IL6R: variants seen among roughly 807,000 people sequenced by gnomAD.
IL6R encodes interleukin-6 receptor subunit alpha.
In IL6R, 38 loss-of-function variants were observed where a neutral mutation model predicts 48.3. That is an observed-to-expected ratio of 0.79 (90% CI 0.61 to 1.03). IL6R has a LOEUF of 1.03. Among genes scored for constraint, IL6R ranks in the 50% least tolerant of loss-of-function variants. The probability of loss-of-function intolerance (pLI) is 0.00; values close to 1 mark genes in which losing one functional copy is unlikely to be tolerated. For missense variants in IL6R, 534 were observed against 618.3 expected (o/e 0.86, Z 1.45); for synonymous variants, 264 against 256.2 (o/e 1.03, Z -0.29).
intron 6 of IL6R, among the ~76,000 whole-genome samples, chr1:154,440,093 A>C (rs1689850203): frequency 6.6e-6 from 1 of 152,090 alleles, no homozygotes; most frequent in African/African-American, 2.4e-5. Context: ...TGTAGAGACA[A>C]GGTTTCACCA....
chr1:154,444,049 C>T (rs1433405646), intron 6 of IL6R, among the ~76,000 whole-genome samples: 1 of 152,142 alleles, frequency 6.6e-6, no homozygotes, highest in Non-Finnish European at 1.5e-5. Flanking sequence ...TTCTGTTGCA[C>T]TCCACTCTTC....
intron 3 of IL6R, among the ~76,000 whole-genome samples, chr1:154,431,798 C>T (rs1394591568): frequency 6.6e-6 from 1 of 152,120 alleles, no homozygotes; most frequent in Non-Finnish European, 1.5e-5. Context: ...GATGTCAGGA[C>T]GAGTGATGGG....
chr1:154,449,409 A>G (rs1690459407), intron 7 of IL6R, among the ~76,000 whole-genome samples: 1 of 152,156 alleles, frequency 6.6e-6, no homozygotes, highest in Non-Finnish European at 1.5e-5. Flanking sequence ...GCTATTTGAT[A>G]GGCTGAGGCA....
In IL6R at chr1:154,448,074, G is replaced by A. The variant is rs749157532; in HGVS notation, c.950-51G>A. ...TTCTGATGCTGAAGCCCCTGAGACAGGACTCCAGGGCCCATGAATCACTAA... is the reference window on the plus strand; with the variant it reads ...TTCTGATGCTGAAGCCCCTGAGACAAGACTCCAGGGCCCATGAATCACTAA... On this transcript the variant is annotated intron_variant, in intron 6 of 9. Transcript: ENST00000368485. 6.9e-6 allele frequency: 10 copies of A among 1,447,156 alleles called. 1 individual carries two copies. In the Admixed American group the frequency reaches 1.5e-4, roughly 22 times the overall value. The allele number at this position is 1,447,156 out of a possible 1,614,324, so 89.6% of individuals were successfully genotyped here.
chr1:154,407,390 T>A lies in IL6R; in HGVS notation c.85+1676T>A, dbSNP rs140866480. 4.0e-3 allele frequency among the ~76,000 whole-genome samples: 604 copies of A among 152,244 alleles called. 17 individuals are homozygous for A. The highest frequency in any genetic ancestry group is 0.034 in the Admixed American group (520 of 15,282). On this transcript the variant is annotated intron_variant, in intron 1 of 9. Coordinates refer to ENST00000368485, the MANE Select transcript of IL6R (RefSeq NM_000565.4). Reference sequence around the variant, plus strand: ...GCAGCCAGTTACAGTCAGTTTTCCATTTCCCTGGTGCTCAGGAAGGATTAG... The same window carrying A: ...GCAGCCAGTTACAGTCAGTTTTCCAATTCCCTGGTGCTCAGGAAGGATTAG...
At chr1:154,459,207 AC>A (rs1221967876) in intron 9 of IL6R, among the ~76,000 whole-genome samples, 1 of 152,184 alleles carries the variant, frequency 6.6e-6, no homozygotes, top group Non-Finnish European at 1.5e-5. Context: ...TAGGTTGGGA[AC>A]AGACCTGGTT....
At chr1:154,434,433 C>A (rs1432243848) in intron 3 of IL6R, 86 bp from the exon 4 acceptor site, 3 of 1,215,722 alleles carry the variant, frequency 2.5e-6, no homozygotes, top group African/African-American at 1.5e-5. Flanking sequence ...GGATTCAAAC[C>A]CCGGGATTCC....
At chr1:154,448,012 G>A (rs1690371991) in intron 6 of IL6R, 113 bp from the exon 7 acceptor site, 2 of 854,586 alleles carry the variant, frequency 2.3e-6, no homozygotes, top group Non-Finnish European at 3.9e-6. Flanking sequence ...CCCAGCCCAT[G>A]CTGTTCTTTT....
At chr1:154,408,615 C>T (rs1172254552) in intron 1 of IL6R, among the ~76,000 whole-genome samples, 1 of 152,076 alleles carries the variant, frequency 6.6e-6, no homozygotes, top group Admixed American at 6.6e-5. Flanking sequence ...TCATCTCCAG[C>T]CCTCAGCAGC....
At chr1:154,442,344 G>A (rs1689982663) in intron 6 of IL6R, among the ~76,000 whole-genome samples, 1 of 152,144 alleles carries the variant, frequency 6.6e-6, no homozygotes, top group South Asian at 2.1e-4. Context: ...TGTGTAGGAG[G>A]GTCCCAGACA....
intron 7 of IL6R, among the ~76,000 whole-genome samples, chr1:154,448,602 C>G (rs1226785421): frequency 2.6e-5 from 4 of 152,180 alleles, no homozygotes; most frequent in Non-Finnish European, 5.9e-5. Flanking sequence ...CTCCTGTGGC[C>G]CTTAATTCCC....
chr1:154,435,257 C>A, intron 5 of IL6R, 101 bp downstream of exon 5: 1 of 1,177,118 alleles, frequency 8.5e-7, no homozygotes, highest in Non-Finnish European at 1.2e-6. Flanking sequence ...CGCCTGTAAT[C>A]CCGGCCCTTT....
At chr1:154,417,525 C>CT (rs907722302) in intron 1 of IL6R, among the ~76,000 whole-genome samples, 12 of 152,126 alleles carry the variant, frequency 7.9e-5, no homozygotes, top group African/African-American at 2.9e-4. Context: ...CTTTATTTCT[C>CT]TATCTGCTCC....
At chr1:154,440,655 CTTTT>C (rs35390021) in intron 6 of IL6R, among the ~76,000 whole-genome samples, 2 of 134,966 alleles carry the variant, frequency 1.5e-5, no homozygotes, top group Non-Finnish European at 1.6e-5. Flanking sequence ...TGATTAATGT[CTTTT>C]TTTTTTTTTT....
At chr1:154,430,710 T>A in intron 3 of IL6R, 104 bp downstream of exon 3, 1 of 1,449,214 alleles carries the variant, frequency 6.9e-7, no homozygotes, top group Non-Finnish European at 9.5e-7. Context: ...CATTAGGAAT[T>A]AATTCCTTCA....
chr1:154,452,501 C>G (rs566391291), intron 8 of IL6R, among the ~76,000 whole-genome samples: 7 of 152,168 alleles, frequency 4.6e-5, no homozygotes, highest in Admixed American at 6.6e-5. Flanking sequence ...CTCAGATGCA[C>G]CCTTCTCCGG....
At chr1:154,453,971 T>A (rs564031670) in intron 8 of IL6R, 13 of 161,702 alleles carry the variant, frequency 8.0e-5, no homozygotes, top group Admixed American at 3.5e-4. Context: ...GGGGCTTGAG[T>A]ACCAAATGCA....
intron 9 of IL6R, among the ~76,000 whole-genome samples, chr1:154,458,425 C>T (rs2149273234): frequency 6.6e-6 from 1 of 152,296 alleles, no homozygotes; most frequent in East Asian, 1.9e-4. Context: ...GGGTTCACCT[C>T]CTGCCTACCA....
chr1:154,454,712 C>G, intron 9 of IL6R, 131 bp downstream of exon 9: 3 of 674,198 alleles, frequency 4.4e-6, no homozygotes, highest in Middle Eastern at 3.1e-4. Context: ...GCACACACCA[C>G]AACACACACA....
Sources: allele counts gnomAD v4.1 joint callset (sites outside exome capture counted in the v4.1 genomes callset), GRCh38; gene constraint gnomAD v4.1.1; transcripts MANE v1.5; gene names NCBI Gene and HGNC (gene_info 2026-07-23, HGNC 2026-07-21).